ACTR3B: variants seen among roughly 807,000 people sequenced by gnomAD.
ACTR3B encodes the protein actin related protein 3B.
Under a neutral mutation model 59.0 loss-of-function variants are expected in ACTR3B, and 8 were observed. That is an observed-to-expected ratio of 0.14 (90% CI 0.08 to 0.24). ACTR3B has a LOEUF of 0.24. ACTR3B is among the 10% of genes least tolerant of loss of function. The probability of loss-of-function intolerance (pLI) is 1.00; values close to 1 mark genes in which losing one functional copy is unlikely to be tolerated. For synonymous variants in ACTR3B, 148 were observed against 197.9 expected, an observed-to-expected ratio of 0.75 and a Z score of 2.12; for missense variants, 245 against 552.3, an observed-to-expected ratio of 0.44 and a Z score of 5.58.
At chr7:152,760,019 G>T (rs934754749) in intron 1 of ACTR3B, 93 bp downstream of exon 1, 7 of 1,160,544 alleles carry the variant, frequency 6.0e-6, no homozygotes, top group Middle Eastern at 6.6e-4. Flanking sequence ...TGCGTCCGTC[G>T]CCCCGGGCTT....
chr7:152,766,961 A>G (rs2098112373), intron 1 of ACTR3B, among the ~76,000 whole-genome samples: 1 of 151,780 alleles, frequency 6.6e-6, no homozygotes, highest in African/African-American at 2.4e-5. Flanking sequence ...TAATTTTTGT[A>G]TTTTTAGTAG....
intron 2 of ACTR3B, among the ~76,000 whole-genome samples, chr7:152,793,875 T>TG (rs1201700529): frequency 6.6e-6 from 1 of 151,734 alleles, no homozygotes; most frequent in Non-Finnish European, 1.5e-5. Flanking sequence ...ATTGCCAGTG[T>TG]GGGGGTCAAA....
Position 152,853,576 on chromosome 7 carries a change from C to T in ACTR3B, c.1160C>T (p.Thr387Ile). Reference protein sequence around the residue: ...VWFGGSMLASTPEFFQVCHTK... With the variant: ...VWFGGSMLASIPEFFQVCHTK... ...TTCGGAGGCTCCATGCTGGCCTCGA[C>T]TGTAAGTCCCTCTCTCGAGGGCTCT... The change falls in exon 11 of 12, where the codon ACT (threonine) becomes ATT (isoleucine). Residue 387 changes from threonine (T) to isoleucine (I), a missense_variant and splice_region_variant. Thr to Ile is a moderately conservative substitution (Grantham distance 89). This residue lies in a region of ACTR3B where 153 missense variants were observed against 266.2 expected (regional missense o/e 0.57). Coordinates refer to ENST00000256001, the MANE Select transcript of ACTR3B (RefSeq NM_020445.6). 6.2e-7 allele frequency: 1 copy of T among 1,613,164 alleles called. No individual in the cohort carries two copies. The highest frequency in any genetic ancestry group is 8.5e-7 in the Non-Finnish European group (1 of 1,179,570).
chr7:152,761,918 C>T (rs750125774), intron 1 of ACTR3B, among the ~76,000 whole-genome samples: 1 of 152,168 alleles, frequency 6.6e-6, no homozygotes, highest in Admixed American at 6.5e-5. Flanking sequence ...GAAGTTGGTC[C>T]GCACATTCGA....
chr7:152,761,950 A>G (rs1333906684), intron 1 of ACTR3B, among the ~76,000 whole-genome samples: 2 of 152,196 alleles, frequency 1.3e-5, no homozygotes, highest in Non-Finnish European at 1.5e-5. Context: ...CTGTCTGACA[A>G]CATCATAAGA....
chr7:152,831,318 C>T (rs1797009017), intron 9 of ACTR3B, among the ~76,000 whole-genome samples: 1 of 152,204 alleles, frequency 6.6e-6, no homozygotes, highest in Admixed American at 6.5e-5. Context: ...ACCTGCAGAG[C>T]GCCAGGTCCC....
At chr7:152,762,122 T>C (rs755285695) in intron 1 of ACTR3B, among the ~76,000 whole-genome samples, 7 of 152,212 alleles carry the variant, frequency 4.6e-5, no homozygotes, top group South Asian at 2.1e-4. Flanking sequence ...TTTTTACAAA[T>C]AAATTTCATC....
At chr7:152,794,971 C>G (rs1056366278) in intron 2 of ACTR3B, among the ~76,000 whole-genome samples, 1 of 151,306 alleles carries the variant, frequency 6.6e-6, no homozygotes, top group African/African-American at 2.4e-5. Context: ...GTGTCTTTTT[C>G]TTTTCACCTT....
intron 2 of ACTR3B, among the ~76,000 whole-genome samples, chr7:152,795,553 G>A (rs369998511): frequency 6.6e-6 from 1 of 152,176 alleles, no homozygotes; most frequent in Non-Finnish European, 1.5e-5. Flanking sequence ...TTGGAAATGA[G>A]GCATTAAAGG....
rs1426655728 is a variant in ACTR3B at position 152,854,528 on chromosome 7, A to G, written c.1232A>G (p.Asn411Ser). The change falls in exon 12 of 12, where the codon AAC becomes AGC. Residue 411 changes from asparagine to serine, a missense_variant. Transcript: ENST00000256001. This position sits in a 1 kb window ranked among gnomAD's most constrained non-coding sequence, Gnocchi z 4.9. ...EEYGPSICRH[N>S]PVFGVMS is the part of the protein sequence containing the mutation. ...TACGGGCCCAGCATCTGCCGCCACAACCCCGTCTTTGGAGTCATGTCCTAG... is the reference window on the plus strand; with the variant it reads ...TACGGGCCCAGCATCTGCCGCCACAGCCCCGTCTTTGGAGTCATGTCCTAG... 6.8e-6 allele frequency: 11 copies of G among 1,613,746 alleles called. No homozygotes were observed. Among genetic ancestry groups the G allele is most frequent in the African/African-American group, 1.3e-5 (1 of 74,880 alleles).
chr7:152,819,685 C>T (rs1195498528), intron 6 of ACTR3B, among the ~76,000 whole-genome samples: 1 of 152,100 alleles, frequency 6.6e-6, no homozygotes, highest in African/African-American at 2.4e-5. Flanking sequence ...ATGAGAGGCT[C>T]CCAGCCCCCA....
chr7:152,838,384 A>G (rs141218556), intron 9 of ACTR3B, among the ~76,000 whole-genome samples: 21,530 of 151,938 alleles, frequency 0.14, 1,844 homozygotes, highest in African/African-American at 0.29. Flanking sequence ...TGTCCTTTGC[A>G]GGGACGTGGA....
intron 9 of ACTR3B, among the ~76,000 whole-genome samples, chr7:152,840,613 C>T (rs931205817): frequency 7.4e-6 from 1 of 135,166 alleles, no homozygotes; most frequent in African/African-American, 2.7e-5. Flanking sequence ...GTTTCTACTG[C>T]TTTGTCTTCT....
intron 1 of ACTR3B, among the ~76,000 whole-genome samples, chr7:152,769,475 TTC>T: frequency 6.6e-6 from 1 of 152,214 alleles, no homozygotes; most frequent in Non-Finnish European, 1.5e-5. Flanking sequence ...CCTTTTATTA[TTC>T]TTTCTGAATT....
chr7:152,829,042 G>GTATATA (rs1246465902), intron 9 of ACTR3B, among the ~76,000 whole-genome samples: 82 of 143,962 alleles, frequency 5.7e-4, no homozygotes, highest in African/African-American at 2.2e-3. Flanking sequence ...TTGTGTGTGT[G>GTATATA]TGTATATATA....
intron 1 of ACTR3B, among the ~76,000 whole-genome samples, chr7:152,767,980 C>T (rs187864799): frequency 0.013 from 1,947 of 152,146 alleles, 40 homozygotes; most frequent in African/African-American, 0.045. Context: ...AAGCACTTTG[C>T]GAGGCCGAAG....
At chr7:152,828,962 T>A (rs558557514) in intron 9 of ACTR3B, among the ~76,000 whole-genome samples, 1 of 152,216 alleles carries the variant, frequency 6.6e-6, no homozygotes, top group South Asian at 2.1e-4. Flanking sequence ...CCTAGCTTTA[T>A]TGAAATATAA....
chr7:152,780,582 A>G (rs1304699808), intron 1 of ACTR3B, among the ~76,000 whole-genome samples: 3 of 151,978 alleles, frequency 2.0e-5, no homozygotes, highest in African/African-American at 7.3e-5. Context: ...TGAGCCTAAC[A>G]GTGCTCAAGT....
intron 2 of ACTR3B, among the ~76,000 whole-genome samples, chr7:152,798,381 T>C (rs1180288370): frequency 6.6e-6 from 1 of 152,164 alleles, no homozygotes; most frequent in Non-Finnish European, 1.5e-5. Flanking sequence ...TTCACTTGGG[T>C]TATTTGTTTT....
Sources: allele counts gnomAD v4.1 joint callset (sites outside exome capture counted in the v4.1 genomes callset), GRCh38; gene constraint gnomAD v4.1.1; regional missense constraint gnomAD v4.1.1; non-coding constraint Gnocchi (gnomAD v3.1); transcripts MANE v1.5; gene names NCBI Gene and HGNC (gene_info 2026-07-23, HGNC 2026-07-21).